PRKD2: variants seen among roughly 807,000 people sequenced by gnomAD.
PRKD2 encodes the protein serine/threonine-protein kinase D2.
PRKD2 carries 22 observed loss-of-function variants against 86.0 expected under a neutral mutation model. That is an observed-to-expected ratio of 0.26 (90% confidence interval 0.18 to 0.37). The LOEUF is 0.37. Ranked by LOEUF, PRKD2 falls within the 10% of genes least tolerant of loss-of-function variation. The pLI is 1.00. For missense variants in PRKD2, 818 were observed against 1,199.2 expected (o/e 0.68, Z 4.70); for synonymous variants, 509 against 510.9 (o/e 1.00, Z 0.05).
rs1299939093 is a variant in PRKD2 at position 46,704,319 on chromosome 19, T to C, written c.739A>G (p.Thr247Ala). The stretch of plus-strand genomic sequence containing the variant: ...TTGTCCAGCTCAATGGGGCGGCCCG[T>C]ATACGATGAGGCAGAAGAGGAGGAA... ...SSSSSSASSY[T>A]GRPIELDKML... Residue 247 changes from threonine to alanine, a missense_variant, in exon 5 of 18, where the codon ACG (threonine) becomes GCG (alanine). Around this residue, in one of 5 missense-constraint regions of PRKD2, gnomAD observed 403 missense variants for 518.6 expected, o/e 0.78. Coordinates refer to ENST00000291281, the MANE Select transcript of PRKD2 (RefSeq NM_016457.5). 2 of 1,614,092 alleles carry C rather than the reference T, an allele frequency of 1.2e-6. No individual in the cohort carries two copies. Among genetic ancestry groups the C allele is most frequent in the Non-Finnish European group, 1.7e-6 (2 of 1,180,008 alleles).
chr19:46,702,196 G>A (rs2053646890), intron 5 of PRKD2, among the ~76,000 whole-genome samples: 2 of 151,926 alleles, frequency 1.3e-5, no homozygotes, highest in Admixed American at 1.3e-4. Flanking sequence ...GCACTACCAT[G>A]CCTGGCTAAT....
In PRKD2 at chr19:46,694,086, G is replaced by T. The variant is rs1286065697; in HGVS notation, c.1365C>A (p.Phe455Leu). The change falls in exon 10 of 18, where the codon TTC becomes TTA. Residue 455 changes from phenylalanine (F) to leucine (L), a missense_variant. Transcript: ENST00000291281. ...GGTTGGTGCCCGGCGGCACAAGGCT[G>T]AAGTTCTGGGCGGACTCCACCGTGA... ...EILTVESAQN[F>L]SLVPPGTNPH... is the part of the protein sequence containing the mutation. 3.7e-6 allele frequency: 6 copies of T among 1,614,084 alleles called. No individual in the cohort carries two copies. The South Asian group carries it at 6.6e-5, about 18-fold the overall frequency.
chr19:46,706,719 A>G (rs1246866116), intron 3 of PRKD2, among the ~76,000 whole-genome samples: 2 of 152,198 alleles, frequency 1.3e-5, no homozygotes, highest in Non-Finnish European at 2.9e-5. Context: ...CATGACAAAG[A>G]CTGCATATGC....
At position 46,678,627 on chromosome 19, in the gene PRKD2, C is replaced by T. The variant is rs779609817; in HGVS notation, c.2107G>A (p.Gly703Ser). ...LCDFGFARII[G>S]EKSFRRSVVG... ...ACTGAGCGGCGGAACGACTTCTCGC[C>T]GATGATGCGAGCAAAGCCAAAGTCA... is the stretch of plus-strand genomic sequence containing the variant. Residue 703 changes from glycine (G) to serine (S), a missense_variant, in exon 16 of 18, where the codon GGC becomes AGC. Transcript: ENST00000291281. The surrounding 1 kb of genome is among the most constrained non-coding windows in gnomAD (Gnocchi z 5.7). 3.7e-6 allele frequency: 6 copies of T among 1,609,418 alleles called. No homozygotes were observed. Among genetic ancestry groups the T allele is most frequent in the East Asian group, 2.2e-5 (1 of 44,882 alleles).
At chr19:46,680,948 T>TATATATATATATATA (rs55813443) in intron 15 of PRKD2, among the ~76,000 whole-genome samples, 347 of 26,032 alleles carry the variant, frequency 0.013, no homozygotes, top group African/African-American at 0.024. Flanking sequence ...ATATATATAT[T>TATATATATATATATA]TTTTTTTTTT....
At chr19:46,687,601 A>G (rs1033481121) in intron 14 of PRKD2, among the ~76,000 whole-genome samples, 1 of 152,196 alleles carries the variant, frequency 6.6e-6, no homozygotes, top group East Asian at 1.9e-4. Context: ...ACAGGTTACT[A>G]TGAAGATTAA....
At chr19:46,697,924 C>G in intron 7 of PRKD2, 74 bp from the exon 8 acceptor site, 1 of 1,165,798 alleles carries the variant, frequency 8.6e-7, no homozygotes, top group Non-Finnish European at 1.3e-6. Context: ...CAGGGGGCAT[C>G]TCTGGGAAAC....
intron 3 of PRKD2, among the ~76,000 whole-genome samples, chr19:46,709,888 T>C (rs1329061254): frequency 2.6e-5 from 4 of 152,044 alleles, no homozygotes; most frequent in African/African-American, 9.7e-5. Flanking sequence ...TTCTTTTTCT[T>C]TTTATTGTTT....
chr19:46,706,806 C>A lies in PRKD2; in HGVS notation c.512-2157G>T, dbSNP rs113466682. Among the ~76,000 whole-genome samples, 841 of 152,076 alleles carry A rather than the reference C, an allele frequency of 5.5e-3. 11 individuals are homozygous for A. Among genetic ancestry groups the A allele is most frequent in the African/African-American group, 0.019 (804 of 41,484 alleles). On this transcript the variant is annotated intron_variant, in intron 3 of 17. Coordinates refer to ENST00000291281, the MANE Select transcript of PRKD2 (RefSeq NM_016457.5). ...AGCTTTTAATGCACTGAATCAGTATCTGCAGGCCTAGAGTCCTTAAATAAT... is the reference window on the plus strand; with the variant it reads ...AGCTTTTAATGCACTGAATCAGTATATGCAGGCCTAGAGTCCTTAAATAAT...
chr19:46,702,959 G>C (rs563640033), intron 5 of PRKD2, among the ~76,000 whole-genome samples: 74 of 152,256 alleles, frequency 4.9e-4, no homozygotes, highest in African/African-American at 1.8e-3. Flanking sequence ...AAAGTGCTGA[G>C]ATTACATGCA....
Position 46,678,626 on chromosome 19 carries a change from C to T in PRKD2, c.2108G>A (p.Gly703Asp). The T allele has an allele frequency of 6.2e-7, 1 of 1,609,894 alleles. No individual in the cohort carries two copies. Among genetic ancestry groups the T allele is most frequent in the Non-Finnish European group, 8.5e-7 (1 of 1,179,980 alleles). Residue 703 changes from glycine to aspartate, a missense_variant, in exon 16 of 18, where the codon GGC (glycine) becomes GAC (aspartate). Physicochemically the swap from Gly to Asp is moderately conservative, Grantham distance 94 (BLOSUM62 -1). Transcript: ENST00000291281. The surrounding 1 kb of genome is among the most constrained non-coding windows in gnomAD (Gnocchi z 5.7). ...LCDFGFARII[G>D]EKSFRRSVVG... ...CACTGAGCGGCGGAACGACTTCTCG[C>T]CGATGATGCGAGCAAAGCCAAAGTC...
intron 16 of PRKD2, among the ~76,000 whole-genome samples, chr19:46,676,395 A>T (rs1050480986): frequency 6.6e-6 from 1 of 152,222 alleles, no homozygotes; most frequent in Admixed American, 6.5e-5. Flanking sequence ...ACTGCACTCC[A>T]GCCCGGGTGA....
chr19:46,713,305 G>A (rs919101062), intron 2 of PRKD2, among the ~76,000 whole-genome samples: 2 of 151,244 alleles, frequency 1.3e-5, no homozygotes, highest in Non-Finnish European at 2.9e-5. Flanking sequence ...GGGATTACAG[G>A]TGTGAGCCAC....
At chr19:46,687,124 C>T (rs2053411658) in intron 14 of PRKD2, among the ~76,000 whole-genome samples, 1 of 152,062 alleles carries the variant, frequency 6.6e-6, no homozygotes, top group Admixed American at 6.6e-5. Context: ...CAGTGGCTCA[C>T]ACCTGTAATC....
intron 2 of PRKD2, 95 bp downstream of exon 2, chr19:46,713,768 G>A (rs2053841898): frequency 3.4e-6 from 4 of 1,183,788 alleles, no homozygotes; most frequent in African/African-American, 3.1e-5. Flanking sequence ...ACTACACCCG[G>A]CCTCTCCTGA....
chr19:46,687,052 G>A lies in PRKD2; in HGVS notation c.1971+2485C>T, dbSNP rs921448780. 3.3e-5 allele frequency among the ~76,000 whole-genome samples: 5 copies of A among 151,872 alleles called. No individual in the cohort carries two copies. The East Asian group carries it at 7.7e-4, about 23-fold the overall frequency. On this transcript the variant is annotated intron_variant, in intron 14 of 17. Transcript: ENST00000291281. Reference sequence around the variant, plus strand: ...GGGATAAAACCATTGAACAATATAAGTGATAAGAATCTAATGTGCACCTCC... The same window carrying A: ...GGGATAAAACCATTGAACAATATAAATGATAAGAATCTAATGTGCACCTCC...
In PRKD2 at chr19:46,676,880, C is replaced by T. The variant is rs906965663; in HGVS notation, c.2338+1516G>A. Among the ~76,000 whole-genome samples, 9 of 152,030 alleles carry T rather than the reference C, an allele frequency of 5.9e-5. No homozygotes were observed. The East Asian group carries it at 1.7e-3, about 29-fold the overall frequency. The stretch of plus-strand genomic sequence containing the variant: ...TTCAAGACCAGCCTGGCTAACATGG[C>T]GAAACCCTGTCTCTACTAAAAATAT... On this transcript the variant is annotated intron_variant, in intron 16 of 17. Coordinates refer to ENST00000291281, the MANE Select transcript of PRKD2 (RefSeq NM_016457.5).
intron 14 of PRKD2, among the ~76,000 whole-genome samples, chr19:46,683,284 G>A (rs1022857750): frequency 6.6e-6 from 1 of 151,070 alleles, no homozygotes; most frequent in Non-Finnish European, 1.5e-5. Flanking sequence ...TAGTAGAGAC[G>A]GGGTTTCATC....
At chr19:46,697,936 A>G in intron 7 of PRKD2, 86 bp from the exon 8 acceptor site, 1 of 1,062,642 alleles carries the variant, frequency 9.4e-7, no homozygotes, top group Admixed American at 1.8e-5. Context: ...CTGGGAAACT[A>G]GGGAGTTGGG....
Sources: allele counts gnomAD v4.1 joint callset (sites outside exome capture counted in the v4.1 genomes callset), GRCh38; gene constraint gnomAD v4.1.1; regional missense constraint gnomAD v4.1.1; non-coding constraint Gnocchi (gnomAD v3.1); transcripts MANE v1.5; gene names NCBI Gene and HGNC (gene_info 2026-07-23, HGNC 2026-07-21).